EYA4: variants seen among roughly 807,000 people sequenced by gnomAD.
EYA4 encodes the protein protein phosphatase EYA4.
Under a neutral mutation model 87.9 loss-of-function variants are expected in EYA4, and 31 were observed. The ratio of observed to expected loss-of-function variants is 0.35; its 90% CI spans 0.27 to 0.48. EYA4 has a LOEUF of 0.48. Among genes scored for constraint, EYA4 ranks in the 20% least tolerant of loss-of-function variants. The pLI, the probability that EYA4 is intolerant of heterozygous loss-of-function variation, is 0.99. For synonymous variants in EYA4, 263 were observed against 270.6 expected (o/e 0.97, Z 0.28); for missense variants, 678 against 761.4 (o/e 0.89, Z 1.29).
intron 2 of EYA4, among the ~76,000 whole-genome samples, chr6:133,279,096 T>G (rs1468167869): frequency 6.6e-6 from 1 of 152,170 alleles, no homozygotes; most frequent in Non-Finnish European, 1.5e-5. Flanking sequence ...TTCAGATTTT[T>G]TCTCATCCAA....
chr6:133,311,507 G>A (rs1780214844), intron 2 of EYA4, among the ~76,000 whole-genome samples: 1 of 151,598 alleles, frequency 6.6e-6, no homozygotes, highest in Non-Finnish European at 1.5e-5. Context: ...TTGTGGAGAT[G>A]GGAGTCTCCC....
At chr6:133,433,457 T>A (rs1791367083) in intron 3 of EYA4, among the ~76,000 whole-genome samples, 1 of 152,230 alleles carries the variant, frequency 6.6e-6, no homozygotes, top group African/African-American at 2.4e-5. Context: ...GTACCCTCTT[T>A]AAGACCTGTC....
At position 133,464,799 on chromosome 6, in the gene EYA4, TCTA is replaced by T. The variant is rs1794705174; in HGVS notation, c.749_751del (p.Thr250del). 2.5e-6 allele frequency: 4 copies of T among 1,609,038 alleles called. No individual in the cohort carries two copies. The highest frequency in any genetic ancestry group is 2.2e-5 in the East Asian group (1 of 44,708). On this transcript the variant is annotated inframe_deletion, in exon 10 of 20. Coordinates refer to ENST00000355286, the MANE Select transcript of EYA4 (RefSeq NM_004100.5). The stretch of plus-strand genomic sequence containing the variant: ...TCTAGGTTCTAGTTTTGCACCATCA[TCTA>T]CTATTTATGCAAATAATTCAGTTTC...
intron 2 of EYA4, among the ~76,000 whole-genome samples, chr6:133,284,847 G>A (rs1031561224): frequency 5.5e-4 from 84 of 152,258 alleles, no homozygotes; most frequent in African/African-American, 1.9e-3. Context: ...TTATATTCTT[G>A]TGGAGGGGGA....
intron 5 of EYA4, among the ~76,000 whole-genome samples, chr6:133,455,046 G>T (rs1341420846): frequency 3.3e-5 from 5 of 152,074 alleles, no homozygotes; most frequent in African/African-American, 7.2e-5. Flanking sequence ...ATAGTGATTT[G>T]TATTAATTAG....
intron 3 of EYA4, among the ~76,000 whole-genome samples, chr6:133,405,201 G>A (rs952119067): frequency 1.3e-5 from 2 of 152,070 alleles, no homozygotes; most frequent in African/African-American, 4.8e-5. Flanking sequence ...TGAGTTGGTA[G>A]GTAGCATTTT....
At chr6:133,426,801 A>G (rs2876211) in intron 3 of EYA4, among the ~76,000 whole-genome samples, 2 of 152,136 alleles carry the variant, frequency 1.3e-5, no homozygotes, top group African/African-American at 2.4e-5. Flanking sequence ...TCTGAATTCT[A>G]CTGACTATTT....
intron 2 of EYA4, among the ~76,000 whole-genome samples, chr6:133,366,963 T>C (rs1407249137): frequency 6.6e-6 from 1 of 152,228 alleles, no homozygotes; most frequent in East Asian, 1.9e-4. Context: ...TTTTATCTCT[T>C]AATGTCAAAT....
At chr6:133,287,190 A>T (rs1468573313) in intron 2 of EYA4, among the ~76,000 whole-genome samples, 37 of 152,226 alleles carry the variant, frequency 2.4e-4, no homozygotes, top group Admixed American at 1.9e-3. Flanking sequence ...AGGGAACTGC[A>T]ATGAAAAGCC....
intron 18 of EYA4, among the ~76,000 whole-genome samples, chr6:133,523,718 TG>T (rs1276006986): frequency 6.6e-6 from 1 of 152,182 alleles, no homozygotes; most frequent in Non-Finnish European, 1.5e-5. Context: ...TTTATTTAGA[TG>T]ATATCTGCTT....
intron 2 of EYA4, among the ~76,000 whole-genome samples, chr6:133,280,445 T>A (rs996448939): frequency 6.6e-6 from 1 of 152,132 alleles, no homozygotes; most frequent in East Asian, 1.9e-4. Flanking sequence ...CTTGCTCTGT[T>A]GAGTACGGTG....
chr6:133,444,503 G>A (rs1792607501), intron 3 of EYA4, among the ~76,000 whole-genome samples: 1 of 152,128 alleles, frequency 6.6e-6, no homozygotes, highest in Non-Finnish European at 1.5e-5. Context: ...AGTTCCTTTT[G>A]AGGGGCATGA....
intron 1 of EYA4, among the ~76,000 whole-genome samples, chr6:133,268,113 T>A (rs1776376559): frequency 6.6e-6 from 1 of 152,196 alleles, no homozygotes; most frequent in South Asian, 2.1e-4. Context: ...CTTTTCCATA[T>A]ATTAGTTTAT....
Position 133,299,749 on chromosome 6 carries a change from TAAAATA to T in EYA4, c.33+24940_33+24945del, listed in dbSNP as rs756357612. ...TAAAATAAAATAAAATAAAATAAAA[TAAAATA>T]AAATAAAATAAAAACACTTAAAATC... On this transcript the variant is annotated intron_variant, in intron 2 of 19. Coordinates refer to ENST00000355286, the MANE Select transcript of EYA4 (RefSeq NM_004100.5). Among the ~76,000 whole-genome samples, 211 of 93,390 alleles carry T rather than the reference TAAAATA, an allele frequency of 2.3e-3. 2 individuals are homozygous for T. Among genetic ancestry groups the T allele is most frequent in the Admixed American group, 4.7e-3 (35 of 7,460 alleles). 61.3% of individuals were successfully genotyped at this position (93,390 alleles called of 152,430 possible).
chr6:133,271,381 G>A (rs1776672867), intron 1 of EYA4, among the ~76,000 whole-genome samples: 1 of 152,166 alleles, frequency 6.6e-6, no homozygotes, highest in Non-Finnish European at 1.5e-5. Context: ...TCCATAAAGT[G>A]AGTGCCTCGG....
At chr6:133,492,002 A>G (rs558288676) in intron 13 of EYA4, among the ~76,000 whole-genome samples, 2 of 151,050 alleles carry the variant, frequency 1.3e-5, no homozygotes, top group South Asian at 2.1e-4. Context: ...CTGGGACCCT[A>G]TGACTTTACT....
At chr6:133,473,506 G>A (rs1795457143) in intron 11 of EYA4, among the ~76,000 whole-genome samples, 1 of 151,974 alleles carries the variant, frequency 6.6e-6, no homozygotes. Flanking sequence ...GCCAAGATAT[G>A]TTTATATCAT....
At chr6:133,272,334 A>G (rs211439) in intron 1 of EYA4, among the ~76,000 whole-genome samples, 147,020 of 152,330 alleles carry the variant, frequency 0.97, 70,959 homozygotes, top group East Asian at 1. Context: ...CAGGAGTAGA[A>G]ACCATGGACA....
chr6:133,401,086 GCAA>G lies in EYA4; in HGVS notation c.83+18651_83+18653del, dbSNP rs534758534. On this transcript the variant is annotated intron_variant, in intron 3 of 19. Transcript: ENST00000355286. ...TAAAAAGAATTAAATCCTGTTATTTGCAACAACATGGATAGAACTGGGGGTCAT... is the reference window on the plus strand; with the variant it reads ...TAAAAAGAATTAAATCCTGTTATTTGCAACATGGATAGAACTGGGGGTCAT... Among the ~76,000 whole-genome samples, 618 of 152,264 alleles carry G rather than the reference GCAA, an allele frequency of 4.1e-3. 2 individuals are homozygous for G. The highest frequency in any genetic ancestry group is 6.9e-3 in the Non-Finnish European group (469 of 68,002).
Sources: allele counts gnomAD v4.1 joint callset (sites outside exome capture counted in the v4.1 genomes callset), GRCh38; gene constraint gnomAD v4.1.1; transcripts MANE v1.5; gene names NCBI Gene and HGNC (gene_info 2026-07-23, HGNC 2026-07-21).